Variants in RBP5 observed in about 807,000 individuals in gnomAD.
The protein encoded by RBP5 is retinol binding protein 5, also known as retinol-binding protein 5.
In RBP5, 12 loss-of-function variants were observed where a neutral mutation model predicts 17.8. The ratio of observed to expected loss-of-function variants is 0.67; its 90% CI spans 0.43 to 1.09. The LOEUF (loss-of-function observed/expected upper bound fraction) is 1.09. RBP5 is among the 50% of genes least tolerant of loss of function. The pLI, the probability that RBP5 is intolerant of heterozygous loss-of-function variation, is 0.00. For missense variants in RBP5, 172 were observed against 169.4 expected, an observed-to-expected ratio of 1.02 and a Z score of -0.09; for synonymous variants, 64 against 68.1, an observed-to-expected ratio of 0.94 and a Z score of 0.30.
At chr12:7,127,476 A>G (rs1026368403) in intron 2 of RBP5, 4 of 574,904 alleles carry the variant, frequency 7.0e-6, no homozygotes, top group South Asian at 2.2e-5. Flanking sequence ...ATAATACCTA[A>G]TGCAATGTAC....
upstream of RBP5, chr12:7,129,897 A>G: frequency 1.2e-6 from 1 of 808,338 alleles, no homozygotes; most frequent in South Asian, 5.6e-5. The surrounding 1 kb of genome is among the most constrained non-coding windows in gnomAD (Gnocchi z 5.5). Flanking sequence ...CGCCCTGCGG[A>G]CCGCCCTGTG....
In RBP5 at chr12:7,124,783, G is replaced by A. The variant is rs887167133; in HGVS notation, c.253-53C>T. 4 of 1,055,296 alleles carry A rather than the reference G, an allele frequency of 3.8e-6. No homozygotes were observed. In the Admixed American group the frequency reaches 5.1e-5, roughly 14 times the overall value. 65.4% of individuals were successfully genotyped at this position (1,055,296 alleles called of 1,614,324 possible). Reference sequence around the variant, plus strand: ...GATTAGGAGGCAGGACACTCAAAATGCTTCCCATCTCACTCTGAATGGGCT... The same window carrying A: ...GATTAGGAGGCAGGACACTCAAAATACTTCCCATCTCACTCTGAATGGGCT... On this transcript the variant is annotated intron_variant, in intron 2 of 3. Coordinates refer to ENST00000266560, the MANE Select transcript of RBP5 (RefSeq NM_031491.4). The surrounding 1 kb of genome is among the most constrained non-coding windows in gnomAD (Gnocchi z 5.3).
chr12:7,121,492 G>T (rs1241811649), downstream of RBP5, among the ~76,000 whole-genome samples: 2 of 152,218 alleles, frequency 1.3e-5, no homozygotes, highest in Admixed American at 1.3e-4. Context: ...TCATGTGGGA[G>T]GTGGAGGCCG....
In RBP5 at chr12:7,124,283, T is replaced by C; in HGVS notation, c.355-109A>G. The C allele has an allele frequency of 1.1e-6, 1 of 946,864 alleles. No individual in the cohort carries two copies. The highest frequency in any genetic ancestry group is 1.7e-6 in the Non-Finnish European group (1 of 592,428). 58.7% of individuals were successfully genotyped at this position (946,864 alleles called of 1,614,324 possible). A position where few individuals can be genotyped will look rare whatever the true frequency, so the allele number is the denominator to read the frequency against. On this transcript the variant is annotated intron_variant, in intron 3 of 3. Coordinates refer to ENST00000266560, the MANE Select transcript of RBP5 (RefSeq NM_031491.4). The surrounding 1 kb of genome is among the most constrained non-coding windows in gnomAD (Gnocchi z 5.3). ...TTTACTCCTTCCGGATACAGCAGCT[T>C]GAGTGTTTGATGTATGGGCAATTGT...
chr12:7,126,500 TGGTGGTG>T (rs1565645286), intron 2 of RBP5, among the ~76,000 whole-genome samples: 40 of 29,530 alleles, frequency 1.4e-3, no homozygotes, highest in Admixed American at 2.0e-3. Context: ...GTGGTGGTGG[TGGTGGTG>T]GTGGTGTGTG....
Position 7,117,326 on chromosome 12 carries a change from T to G in RBP5, n.890-19A>C. ...AGACAACCCGATGTGGAAGGAGACA[T>G]CACAAGGACAGGAATACTGGGAAGC... is the stretch of plus-strand genomic sequence containing the variant. On this transcript the variant is annotated intron_variant and non_coding_transcript_variant, in intron 3 of 3. Transcript: ENST00000619522. The surrounding 1 kb of genome is among the most constrained non-coding windows in gnomAD (Gnocchi z 4.9). 6.6e-6 allele frequency: 1 copy of G among 152,200 alleles called. No individual in the cohort carries two copies. The highest frequency in any genetic ancestry group is 1.9e-4 in the East Asian group (1 of 5,206). 9.4% of individuals were successfully genotyped at this position (152,200 alleles called of 1,614,324 possible). A position where few individuals can be genotyped will look rare whatever the true frequency, so the allele number is the denominator to read the frequency against.
rs1939135245 is a variant in RBP5, at chr12:7,124,864, G to C, written c.253-134C>G. On this transcript the variant is annotated intron_variant, in intron 2 of 3. Transcript: ENST00000266560. The surrounding 1 kb of genome is among the most constrained non-coding windows in gnomAD (Gnocchi z 5.3). ...GCTGCAGCCCCTCCACTGAGCGAGGGAGCTGCTCTGATTCAGCAGGACTCC... is the reference window on the plus strand; with the variant it reads ...GCTGCAGCCCCTCCACTGAGCGAGGCAGCTGCTCTGATTCAGCAGGACTCC... The C allele has an allele frequency of 1.7e-6, 1 of 592,100 alleles. No homozygotes were observed. Among genetic ancestry groups the C allele is most frequent in the Non-Finnish European group, 3.1e-6 (1 of 327,592 alleles). The allele number at this position is 592,100 out of a possible 1,614,324, so 36.7% of individuals were successfully genotyped here.
chr12:7,123,975 C>G lies in RBP5; in HGVS notation c.*146G>C. 2.8e-6 allele frequency: 2 copies of G among 719,770 alleles called. No individual in the cohort carries two copies. Among genetic ancestry groups the G allele is most frequent in the Non-Finnish European group, 4.9e-6 (2 of 405,382 alleles). The allele number at this position is 719,770 out of a possible 1,614,324, so 44.6% of individuals were successfully genotyped here. A position where few individuals can be genotyped will look rare whatever the true frequency, so the allele number is the denominator to read the frequency against. ...CTGGGGGCTGCAAGTTACAGATTAACACGGGGAGGGGTGAGGAGGGACCCA... is the reference window on the plus strand; with the variant it reads ...CTGGGGGCTGCAAGTTACAGATTAAGACGGGGAGGGGTGAGGAGGGACCCA... On this transcript the variant is annotated 3_prime_UTR_variant, in exon 4 of 4. Transcript: ENST00000266560.
downstream of RBP5, chr12:7,119,477 C>G (rs145759223): frequency 7.3e-4 from 113 of 154,766 alleles, no homozygotes; most frequent in African/African-American, 1.9e-3. Flanking sequence ...GAGGCAACTC[C>G]CCTTCATCCT....
At chr12:7,126,510 GGTGTGTGTGTGTGTGTGTGTGTGTGTGT>G (rs780320410) in intron 2 of RBP5, among the ~76,000 whole-genome samples, 1 of 131,024 alleles carries the variant, frequency 7.6e-6, no homozygotes, top group Non-Finnish European at 1.7e-5. Flanking sequence ...TGGTGGTGGT[GGTGTGTGTGTGTGTGTGTGTGTGTGTGT>G]GTGTGTGTGT....
rs1939134162 is a variant in RBP5, at chr12:7,124,808, T to C, written c.253-78A>G. 11 of 838,632 alleles carry C rather than the reference T, an allele frequency of 1.3e-5. No homozygotes were observed. Among genetic ancestry groups the C allele is most frequent in the Non-Finnish European group, 2.1e-5 (10 of 486,938 alleles). 51.9% of individuals were successfully genotyped at this position (838,632 alleles called of 1,614,324 possible). On this transcript the variant is annotated intron_variant, in intron 2 of 3. Coordinates refer to ENST00000266560, the MANE Select transcript of RBP5 (RefSeq NM_031491.4). The surrounding 1 kb of genome is among the most constrained non-coding windows in gnomAD (Gnocchi z 5.3). ...GCTTCCCATCTCACTCTGAATGGGC[T>C]CCCCCTTTTACTCCACAGCAGATAC... is the stretch of plus-strand genomic sequence containing the variant.
chr12:7,128,128 TC>T lies in RBP5; in HGVS notation c.252+111del. ...CTGCATTCCCTGCTGTGGTGACCAT[TC>T]CCCTCCTCCCCGCTGCTCTGGCTGG... On this transcript the variant is annotated intron_variant, in intron 2 of 3. Coordinates refer to ENST00000266560, the MANE Select transcript of RBP5 (RefSeq NM_031491.4). This position sits in a 1 kb window ranked among gnomAD's most constrained non-coding sequence, Gnocchi z 5.3. 9 of 929,304 alleles carry T rather than the reference TC, an allele frequency of 9.7e-6. No individual in the cohort carries two copies. Among genetic ancestry groups the T allele is most frequent in the Non-Finnish European group, 1.3e-5 (8 of 624,514 alleles). 57.6% of individuals were successfully genotyped at this position (929,304 alleles called of 1,614,324 possible).
Position 7,128,793 on chromosome 12 carries a change from C to A in RBP5, c.-18G>T. 1.3e-6 allele frequency: 2 copies of A among 1,568,036 alleles called. No homozygotes were observed. The highest frequency in any genetic ancestry group is 1.2e-5 in the South Asian group (1 of 86,094). Reference sequence around the variant, plus strand: ...GGAGGCATTGTGTGGATGAAGGTTTCAGGAGAATGCAGGAGACAGGGTGAG... The same window carrying A: ...GGAGGCATTGTGTGGATGAAGGTTTAAGGAGAATGCAGGAGACAGGGTGAG... On this transcript the variant is annotated 5_prime_UTR_variant, in exon 1 of 4. Coordinates refer to ENST00000266560, the MANE Select transcript of RBP5 (RefSeq NM_031491.4). This position sits in a 1 kb window ranked among gnomAD's most constrained non-coding sequence, Gnocchi z 5.3.
At chr12:7,127,776 A>G in intron 2 of RBP5, 1 of 696,424 alleles carries the variant, frequency 1.4e-6, no homozygotes, top group Non-Finnish European at 2.6e-6. Context: ...GGCAGACAAA[A>G]GGGAGAAGAC....
rs1221825509 is a variant in RBP5, at chr12:7,124,984, G to T, written c.253-254C>A. On this transcript the variant is annotated intron_variant, in intron 2 of 3. Transcript: ENST00000266560. This position sits in a 1 kb window ranked among gnomAD's most constrained non-coding sequence, Gnocchi z 5.3. ...TGCAGTGGCAGGATCTCGGCTCACT[G>T]CAACCTCTGCCTCCTGGGTTCAAGT... 6.6e-6 allele frequency among the ~76,000 whole-genome samples: 1 copy of T among 152,130 alleles called. No homozygotes were observed. Among genetic ancestry groups the T allele is most frequent in the African/African-American group, 2.4e-5 (1 of 41,406 alleles).
Position 7,128,316 on chromosome 12 carries a change from C to T in RBP5, c.176G>A (p.Arg59Gln), listed in dbSNP as rs761575290. The T allele has an allele frequency of 2.4e-5, 39 of 1,613,716 alleles. No homozygotes were observed. Among genetic ancestry groups the T allele is most frequent in the South Asian group, 6.6e-5 (6 of 91,064 alleles). Residue 59 changes from arginine to glutamine, a missense_variant, in exon 2 of 4, where the codon CGA becomes CAA. Coordinates refer to ENST00000266560, the MANE Select transcript of RBP5 (RefSeq NM_031491.4). This position sits in a 1 kb window ranked among gnomAD's most constrained non-coding sequence, Gnocchi z 5.3. ...HMTVRTLSTF[R>Q]NYTVQFDVGV... ...CACATCAAACTGCACAGTGTAGTTT[C>T]GGAAGGTGCTGAGCGTCCTCACCGT...
chr12:7,123,776 A>G lies in RBP5; in HGVS notation c.*345T>C, dbSNP rs1287620765. On this transcript the variant is annotated 3_prime_UTR_variant, in exon 4 of 4. Transcript: ENST00000266560. ...AATTTTCACTAATCGCCAAATGCCC[A>G]AAGCTTAGTTCTTTCTTAGAAGGAA... 8.8e-6 allele frequency: 2 copies of G among 226,610 alleles called. No homozygotes were observed. The highest frequency in any genetic ancestry group is 1.7e-5 in the Non-Finnish European group (2 of 115,628). The allele number at this position is 226,610 out of a possible 1,614,324, so 14.0% of individuals were successfully genotyped here.
At chr12:7,129,906 T>G, upstream of RBP5, 1 of 705,978 alleles carries the variant, frequency 1.4e-6, no homozygotes, top group Non-Finnish European at 1.7e-6. The surrounding 1 kb of genome is among the most constrained non-coding windows in gnomAD (Gnocchi z 5.5). Flanking sequence ...GACCGCCCTG[T>G]GGCTTCCTCG....
upstream of RBP5, chr12:7,129,200 G>A (rs946136859): frequency 2.8e-5 from 7 of 249,372 alleles, no homozygotes; most frequent in African/African-American, 1.5e-4. The surrounding 1 kb of genome is among the most constrained non-coding windows in gnomAD (Gnocchi z 5.5). Context: ...CCCAGGGCCT[G>A]AGGGGCAGTC....
Sources: allele counts gnomAD v4.1 joint callset (sites outside exome capture counted in the v4.1 genomes callset), GRCh38; gene constraint gnomAD v4.1.1; non-coding constraint Gnocchi (gnomAD v3.1); transcripts MANE v1.5; gene names NCBI Gene and HGNC (gene_info 2026-07-23, HGNC 2026-07-21).